ADGRF5: variants seen among roughly 807,000 people sequenced by gnomAD.
The protein encoded by ADGRF5 is G-protein coupled receptor 116.
ADGRF5 carries 75 observed loss-of-function variants against 132.3 expected under a neutral mutation model. That is an observed-to-expected ratio of 0.57 (90% confidence interval 0.47 to 0.69). The LOEUF (loss-of-function observed/expected upper bound fraction) is 0.69, where lower values mean the gene tolerates loss of function less well. Ranked by LOEUF, ADGRF5 falls within the 30% of genes least tolerant of loss-of-function variation. ADGRF5 has a pLI of 0.00. For synonymous variants in ADGRF5, 629 were observed against 597.6 expected (o/e 1.05, Z -0.77); for missense variants, 1,516 against 1,630.6 (o/e 0.93, Z 1.21).
At position 46,858,647 on chromosome 6, in the gene ADGRF5, A is replaced by C; in HGVS notation, c.3256T>G (p.Cys1086Gly). 1 of 1,614,176 alleles carries C rather than the reference A, an allele frequency of 6.2e-7. No homozygotes were observed. Among genetic ancestry groups the C allele is most frequent in the Non-Finnish European group, 8.5e-7 (1 of 1,180,018 alleles). Residue 1086 changes from cysteine to glycine, a missense_variant, in exon 17 of 21, where the codon TGT (cysteine) becomes GGT (glycine). Cys to Gly is a radical substitution (Grantham distance 159, BLOSUM62 -3). Around this residue, in one of 2 missense-constraint regions of ADGRF5, gnomAD observed 571 missense variants for 701.2 expected, o/e 0.81. Transcript: ENST00000283296. ...DNRYILCKTACVAATFFIHFF... is the reference protein window; with the variant it reads ...DNRYILCKTAGVAATFFIHFF... ...TGGATGAAGAAGGTGGCAGCCACACAGGCTGTCTTGCAGAGTATGTAGCGA... is the reference window on the plus strand; with the variant it reads ...TGGATGAAGAAGGTGGCAGCCACACCGGCTGTCTTGCAGAGTATGTAGCGA...
intron 1 of ADGRF5, among the ~76,000 whole-genome samples, chr6:46,921,427 A>G (rs1256031423): frequency 2.6e-5 from 1 of 39,140 alleles, no homozygotes; most frequent in East Asian, 1.7e-3. Flanking sequence ...AACTTGTTTG[A>G]AAAAAAAAAA....
intron 11 of ADGRF5, among the ~76,000 whole-genome samples, chr6:46,871,598 G>A (rs937111861): frequency 3.3e-5 from 5 of 152,076 alleles, no homozygotes; most frequent in African/African-American, 4.8e-5. Context: ...AGAATGCCCC[G>A]GGGTTCCTTC....
intron 1 of ADGRF5, among the ~76,000 whole-genome samples, chr6:46,940,858 C>T (rs138220339): frequency 1.1e-4 from 17 of 152,258 alleles, no homozygotes; most frequent in Non-Finnish European, 2.4e-4. Context: ...TAAAGGAGCA[C>T]TTACAGCAAA....
chr6:46,927,502 C>A (rs1777315469), intron 1 of ADGRF5, among the ~76,000 whole-genome samples: 1 of 152,052 alleles, frequency 6.6e-6, no homozygotes, highest in African/African-American at 2.4e-5. Context: ...GCATTCCCAT[C>A]CCCAATTTTC....
intron 1 of ADGRF5, among the ~76,000 whole-genome samples, chr6:46,937,708 C>T (rs1777901192): frequency 6.6e-6 from 1 of 152,192 alleles, no homozygotes; most frequent in Non-Finnish European, 1.5e-5. Context: ...ATACCAGCAT[C>T]ACTAATCTTG....
In ADGRF5 at chr6:46,947,204, A is replaced by G. The variant is rs148958324; in HGVS notation, c.-25+7530T>C. Among the ~76,000 whole-genome samples, 595 of 152,190 alleles carry G rather than the reference A, an allele frequency of 3.9e-3. 4 individuals carry two copies. The highest frequency in any genetic ancestry group is 0.014 in the African/African-American group (568 of 41,500). ...TACCCCAGCTTTAGCCAATAAGTAG[A>G]CTCCAAAGGTGAAAAGCAACTATAA... On this transcript the variant is annotated intron_variant, in intron 1 of 20. Transcript: ENST00000265417.
In ADGRF5 at chr6:46,870,683, C is replaced by T. The variant is rs1770952709; in HGVS notation, c.1411+1160G>A. ...GGCTCATGGAACCATGAATTTGGTC[C>T]TCTTGATTGTCTGATGAGATTCCAA... On this transcript the variant is annotated intron_variant, in intron 11 of 20. Transcript: ENST00000283296. 4.0e-5 allele frequency: 9 copies of T among 226,224 alleles called. No individual in the cohort carries two copies. The South Asian group carries it at 4.1e-4, about 10-fold the overall frequency. 14.0% of individuals were successfully genotyped at this position (226,224 alleles called of 1,614,324 possible).
intron 11 of ADGRF5, among the ~76,000 whole-genome samples, chr6:46,871,613 G>A (rs891666599): frequency 6.6e-6 from 1 of 152,222 alleles, no homozygotes; most frequent in African/African-American, 2.4e-5. Context: ...TCCTTCCTGG[G>A]AACCACTGTG....
chr6:46,876,148 G>A (rs896350846), intron 10 of ADGRF5, among the ~76,000 whole-genome samples: 1 of 152,242 alleles, frequency 6.6e-6, no homozygotes, highest in East Asian at 1.9e-4. Flanking sequence ...GAGCTGCAGA[G>A]AGGAAGCAGC....
rs771789130 is a variant in ADGRF5, at chr6:46,859,438, C to A, written c.2465G>T (p.Ser822Ile). 5.6e-6 allele frequency: 9 copies of A among 1,613,340 alleles called. No individual in the cohort carries two copies. The highest frequency in any genetic ancestry group is 5.5e-5 in the South Asian group (5 of 91,056). Reference sequence around the variant, plus strand: ...TTCCACTGAATGTAGTAGCTGTGAACTCTGATTGGTCCATTGCTGTTGTAA... The same window carrying A: ...TTCCACTGAATGTAGTAGCTGTGAAATCTGATTGGTCCATTGCTGTTGTAA... Reference protein sequence around the residue: ...KVLQQQWTNQSSQLLHSVERF... With the variant: ...KVLQQQWTNQISQLLHSVERF... The change falls in exon 17 of 21, where the codon AGT becomes ATT. Residue 822 changes from serine (S) to isoleucine (I), a missense_variant. Ser to Ile is a moderately radical substitution (Grantham distance 142). Coordinates refer to ENST00000283296, the MANE Select transcript of ADGRF5 (RefSeq NM_001098518.2).
intron 1 of ADGRF5, among the ~76,000 whole-genome samples, chr6:46,940,952 A>G (rs540039895): frequency 2.6e-5 from 4 of 152,198 alleles, no homozygotes; most frequent in Non-Finnish European, 5.9e-5. Flanking sequence ...AGTTCTGGCT[A>G]AGTTCTTGGC....
At chr6:46,861,834 T>G (rs1769776762) in intron 15 of ADGRF5, among the ~76,000 whole-genome samples, 1 of 152,232 alleles carries the variant, frequency 6.6e-6, no homozygotes, top group South Asian at 2.1e-4. Context: ...GAATTGGGAC[T>G]TGGGCCCACA....
At chr6:46,914,913 T>G (rs1386337244) in intron 1 of ADGRF5, among the ~76,000 whole-genome samples, 2 of 152,002 alleles carry the variant, frequency 1.3e-5, no homozygotes, top group African/African-American at 4.8e-5. Flanking sequence ...TGGAGTGCAA[T>G]GGCATGATCT....
intron 3 of ADGRF5, among the ~76,000 whole-genome samples, chr6:46,890,688 G>A (rs911698275): frequency 6.6e-6 from 1 of 152,036 alleles, no homozygotes; most frequent in African/African-American, 2.4e-5. Flanking sequence ...CTGCACTCCA[G>A]CCTGGGCGGC....
intron 11 of ADGRF5, among the ~76,000 whole-genome samples, chr6:46,869,731 G>T (rs1770838856): frequency 6.6e-6 from 1 of 151,924 alleles, no homozygotes; most frequent in Non-Finnish European, 1.5e-5. Context: ...AATATGAGTT[G>T]GTTTAAAAGT....
intron 1 of ADGRF5, among the ~76,000 whole-genome samples, chr6:46,934,176 C>A (rs978151772): frequency 6.6e-6 from 1 of 152,124 alleles, no homozygotes; most frequent in African/African-American, 2.4e-5. Flanking sequence ...CCCGAATCCA[C>A]TAATGTCTCT....
At chr6:46,856,470 A>G (rs1268390758) in intron 19 of ADGRF5, among the ~76,000 whole-genome samples, 1 of 152,202 alleles carries the variant, frequency 6.6e-6, no homozygotes, top group Non-Finnish European at 1.5e-5. Context: ...AAACCTATTT[A>G]AATATGTGGA....
At chr6:46,873,808 G>A (rs1771347154) in intron 10 of ADGRF5, among the ~76,000 whole-genome samples, 1 of 152,146 alleles carries the variant, frequency 6.6e-6, no homozygotes, top group Non-Finnish European at 1.5e-5. Context: ...GATAAAACCT[G>A]TACATCTTCC....
intron 1 of ADGRF5, among the ~76,000 whole-genome samples, chr6:46,940,524 C>T (rs1778007862): frequency 6.6e-6 from 1 of 152,134 alleles, no homozygotes; most frequent in Non-Finnish European, 1.5e-5. Context: ...AGCCAGTTGG[C>T]CACACTCAAG....
Sources: gnomAD v4.1 joint callset for allele counts (sites outside exome capture counted in the v4.1 genomes callset) on GRCh38, gnomAD v4.1.1 for gene constraint, gnomAD v4.1.1 regional missense constraint, MANE v1.5 for transcripts, NCBI Gene and HGNC (gene_info 2026-07-23, HGNC 2026-07-21) for gene names.